ZFY: variants seen among roughly 807,000 people sequenced by gnomAD.
ZFY encodes the protein zinc finger protein Y-linked.
For missense variants in ZFY, 113 were observed against 170.9 expected, an observed-to-expected ratio of 0.66 and a Z score of 1.89; for synonymous variants, 47 against 55.8, an observed-to-expected ratio of 0.84 and a Z score of 0.71.
Position 2,976,691 on chromosome Y carries a change from A to C in ZFY, c.950A>C (p.Glu317Ala). ...TTAGATGTTGCTGAAATTGCTGATG[A>C]AGTTTATATGGAAGTGATCGTAGGA... ...EDLNVAEIADEVYMEVIVGEE... is the reference protein window; with the variant it reads ...EDLNVAEIADAVYMEVIVGEE... Residue 317 changes from glutamate (E) to alanine (A), a missense_variant, in exon 6 of 8, where the codon GAA becomes GCA. Physicochemically the swap from Glu to Ala is moderately radical, Grantham distance 107. Coordinates refer to ENST00000155093, the MANE Select transcript of ZFY (RefSeq NM_003411.4). The C allele has an allele frequency of 2.6e-6, 1 of 390,428 alleles. No individual in the cohort carries two copies. The highest frequency in any genetic ancestry group is 3.6e-6 in the Non-Finnish European group (1 of 278,660).
chrY:2,951,676 G>A, intron 1 of ZFY, among the ~76,000 whole-genome samples: 1 of 33,001 alleles, frequency 3.0e-5, no homozygotes, highest in African/African-American at 1.2e-4. Context: ...TCATCTTCAC[G>A]TAAGTCGTCA....
intron 1 of ZFY, among the ~76,000 whole-genome samples, chrY:2,940,776 A>T (rs1018436914): frequency 1.5e-4 from 5 of 33,551 alleles, no homozygotes; most frequent in Admixed American, 1.4e-3. Flanking sequence ...TGGTCTAGGA[A>T]CCCATGGGGA....
chrY:2,964,152 C>T (rs755387476), intron 3 of ZFY, among the ~76,000 whole-genome samples: 1 of 32,978 alleles, frequency 3.0e-5, no homozygotes, highest in East Asian at 7.6e-4. Flanking sequence ...AAAGCACATG[C>T]GCAGTGTTTC....
chrY:2,971,715 T>C, intron 3 of ZFY, among the ~76,000 whole-genome samples: 1 of 33,342 alleles, frequency 3.0e-5, no homozygotes, highest in Non-Finnish European at 7.4e-5. Flanking sequence ...AAAAATAATT[T>C]ACACCAATGT....
chrY:2,977,180 C>CAAAAAAAAAA (rs1383315345), intron 6 of ZFY, among the ~76,000 whole-genome samples: 1 of 409 alleles, frequency 2.4e-3, no homozygotes, highest in Non-Finnish European at 4.6e-3. Context: ...GACTCCATCT[C>CAAAAAAAAAA]AAAAAAAAAA....
At chrY:2,940,206 T>C (rs2051237335) in intron 1 of ZFY, among the ~76,000 whole-genome samples, 1 of 33,281 alleles carries the variant, frequency 3.0e-5, no homozygotes, top group Non-Finnish European at 7.4e-5. Flanking sequence ...TTTCACAATC[T>C]ACCTTGACTG....
chrY:2,976,561 C>T, intron 5 of ZFY, 109 bp from the exon 6 acceptor site: 2 of 174,082 alleles, frequency 1.1e-5, no homozygotes, highest in Non-Finnish European at 2.0e-5. Flanking sequence ...TGGTGAAAGC[C>T]AAGAAACGAA....
chrY:2,948,186 A>G, intron 1 of ZFY, among the ~76,000 whole-genome samples: 1 of 34,134 alleles, frequency 2.9e-5, no homozygotes, highest in African/African-American at 1.1e-4. Flanking sequence ...GAGACAAACA[A>G]TAGACTTGGT....
intron 1 of ZFY, among the ~76,000 whole-genome samples, chrY:2,952,920 A>G: frequency 3.0e-5 from 1 of 33,060 alleles, no homozygotes; most frequent in East Asian, 8.0e-4. Flanking sequence ...AGTGCTTATA[A>G]TTATTAGGAA....
At chrY:2,963,936 G>T (rs2051318683) in intron 3 of ZFY, among the ~76,000 whole-genome samples, 2 of 31,499 alleles carry the variant, frequency 6.3e-5, no homozygotes, top group Admixed American at 5.9e-4. Flanking sequence ...GCTTTGTTTT[G>T]TAAAACCATT....
At chrY:2,952,755 G>A (rs1016867912) in intron 1 of ZFY, among the ~76,000 whole-genome samples, 1 of 33,043 alleles carries the variant, frequency 3.0e-5, no homozygotes, top group Non-Finnish European at 7.4e-5. Context: ...CTAGCTGCTT[G>A]GGAGGCTGAA....
intron 1 of ZFY, among the ~76,000 whole-genome samples, chrY:2,948,458 T>C (rs1013007934): frequency 2.6e-4 from 9 of 34,136 alleles, no homozygotes; most frequent in East Asian, 7.5e-4. Context: ...CATTTGACTT[T>C]TATTTCTGAC....
At chrY:2,977,109 AGGT>A (rs2051376298) in intron 6 of ZFY, among the ~76,000 whole-genome samples, 1 of 18,129 alleles carries the variant, frequency 5.5e-5, no homozygotes, top group Non-Finnish European at 1.1e-4. Flanking sequence ...TGAACCTGGG[AGGT>A]GGAGCTTGCA....
chrY:2,966,366 A>G (rs1022535179), intron 3 of ZFY, among the ~76,000 whole-genome samples: 3 of 33,791 alleles, frequency 8.9e-5, no homozygotes, highest in Non-Finnish European at 2.2e-4. Flanking sequence ...AATTATGACA[A>G]CTGAAATGAA....
In ZFY at chrY:2,961,080, A is replaced by G. The variant is rs2051307828; in HGVS notation, c.68A>G (p.Asp23Gly). 5 of 395,442 alleles carry G rather than the reference A, an allele frequency of 1.3e-5. No individual in the cohort carries two copies. The highest frequency in any genetic ancestry group is 1.8e-5 in the Non-Finnish European group (5 of 281,716). ...TTAATTTTTATTCTTTAAGGAGCTG[A>G]TGCTACACACATGGATGGTGATCAG... ...PNSFFDGIGADATHMDGDQIV... is the reference protein window; with the variant it reads ...PNSFFDGIGAGATHMDGDQIV... The change falls in exon 3 of 8, where the codon GAT (aspartate) becomes GGT (glycine). Residue 23 changes from aspartate to glycine, a missense_variant. By Grantham distance (94) the Asp-to-Gly change is moderately conservative. Transcript: ENST00000155093.
intron 3 of ZFY, chrY:2,966,865 G>A (rs2051330157): frequency 5.1e-5 from 1 of 19,609 alleles, no homozygotes; most frequent in Non-Finnish European, 1.0e-4. Flanking sequence ...TTTCTCTGTC[G>A]CCCGGGCTGT....
At chrY:2,951,957 C>T (rs2051280180) in intron 1 of ZFY, among the ~76,000 whole-genome samples, 3 of 26,451 alleles carry the variant, frequency 1.1e-4, no homozygotes, top group South Asian at 1.9e-3. Flanking sequence ...CTCGCTCTGT[C>T]GCCCAGGCTG....
intron 1 of ZFY, among the ~76,000 whole-genome samples, chrY:2,944,810 C>G: frequency 5.8e-5 from 1 of 17,353 alleles, no homozygotes; most frequent in Non-Finnish European, 1.1e-4. Context: ...GTCAGTGGTG[C>G]AATCTTGGCT....
intron 2 of ZFY, among the ~76,000 whole-genome samples, chrY:2,955,157 A>G (rs2051289355): frequency 3.0e-5 from 1 of 33,302 alleles, no homozygotes. Flanking sequence ...TTCAAGATTT[A>G]TAAGGATTAG....
Sources: allele counts gnomAD v4.1 joint callset (sites outside exome capture counted in the v4.1 genomes callset), GRCh38; gene constraint gnomAD v4.1.1; transcripts MANE v1.5; gene names NCBI Gene and HGNC (gene_info 2026-07-23, HGNC 2026-07-21).